GPHN: variants seen among roughly 807,000 people sequenced by gnomAD.
GPHN encodes the protein gephyrin.
Under a neutral mutation model 95.5 loss-of-function variants are expected in GPHN, and 17 were observed. That is an observed-to-expected ratio of 0.18 (90% CI 0.12 to 0.27). GPHN has a LOEUF of 0.27. Among genes scored for constraint, GPHN ranks in the 10% least tolerant of loss-of-function variants. GPHN has a pLI of 1.00. For missense variants in GPHN, 660 were observed against 978.1 expected (o/e 0.67, Z 4.34); for synonymous variants, 320 against 322.5 (o/e 0.99, Z 0.08).
At chr14:66,533,728 A>G (rs1048178738) in intron 1 of GPHN, among the ~76,000 whole-genome samples, 3 of 152,250 alleles carry the variant, frequency 2.0e-5, no homozygotes, top group Non-Finnish European at 4.4e-5. Flanking sequence ...GACATTCAGG[A>G]TAAATGGCAG....
the GPHN span, chr14:67,663,193 T>G: frequency 6.6e-7 from 1 of 1,524,124 alleles, no homozygotes; most frequent in African/African-American, 1.4e-5. Flanking sequence ...AATCTCCCCT[T>G]TGAACAAAAA....
intron 1 of GPHN, among the ~76,000 whole-genome samples, chr14:66,664,989 CAAAAAAAAAA>C (rs937401198): frequency 7.3e-5 from 4 of 54,898 alleles, no homozygotes; most frequent in African/African-American, 1.8e-4. Flanking sequence ...GCCTACCAAC[CAAAAAAAAAA>C]AAAAAAAAAA....
chr14:66,659,797 T>C (rs2065532041), intron 1 of GPHN, among the ~76,000 whole-genome samples: 1 of 152,086 alleles, frequency 6.6e-6, no homozygotes, highest in Non-Finnish European at 1.5e-5. Flanking sequence ...TCAACATTCT[T>C]GTATCTTTAT....
the GPHN span, chr14:67,279,177 A>G: frequency 3.2e-6 from 5 of 1,586,662 alleles, no homozygotes; most frequent in East Asian, 2.2e-5. Flanking sequence ...AACCATGACA[A>G]CATCCCATAT....
rs1802878987 is a variant in GPHN, at chr14:66,790,790, G to A, written c.201+14269G>A. Among the ~76,000 whole-genome samples, 5 of 152,320 alleles carry A rather than the reference G, an allele frequency of 3.3e-5. No individual in the cohort carries two copies. The South Asian group carries it at 1.0e-3, about 32-fold the overall frequency. Reference sequence around the variant, plus strand: ...TGACACTGAATGAAAAGTTCAGGCAGCCACTTGTCAGTAATGAAGGGTTTC... The same window carrying A: ...TGACACTGAATGAAAAGTTCAGGCAACCACTTGTCAGTAATGAAGGGTTTC... On this transcript the variant is annotated intron_variant, in intron 3 of 22. Transcript: ENST00000478722.
intron 1 of GPHN, among the ~76,000 whole-genome samples, chr14:66,526,172 T>G (rs562224732): frequency 6.6e-6 from 1 of 152,282 alleles, no homozygotes; most frequent in South Asian, 2.1e-4. Flanking sequence ...GAGCAGTGGT[T>G]TGTAGTTCTC....
At chr14:67,033,623 A>C (rs991850510) in intron 10 of GPHN, among the ~76,000 whole-genome samples, 2 of 152,240 alleles carry the variant, frequency 1.3e-5, no homozygotes, top group South Asian at 2.1e-4. Flanking sequence ...CAGTGTATAC[A>C]TTATGAGAGT....
the GPHN span, among the ~76,000 whole-genome samples, chr14:67,537,382 A>C: frequency 2.1e-5 from 2 of 93,446 alleles, no homozygotes; most frequent in South Asian, 3.4e-4. Flanking sequence ...ATAATAATAA[A>C]AACTTAATCT....
chr14:67,383,700 A>T, the GPHN span: 2 of 398,908 alleles, frequency 5.0e-6, no homozygotes, highest in Admixed American at 7.2e-5. Flanking sequence ...AATAGTTCTA[A>T]AATTGGGCTT....
At chr14:66,613,064 T>C (rs1321188055) in intron 1 of GPHN, among the ~76,000 whole-genome samples, 1 of 152,102 alleles carries the variant, frequency 6.6e-6, no homozygotes, top group Non-Finnish European at 1.5e-5. Flanking sequence ...TCTAGTTATG[T>C]TCTGTAAAGT....
intron 2 of GPHN, among the ~76,000 whole-genome samples, chr14:66,757,670 G>A (rs1332521467): frequency 5.9e-5 from 9 of 152,294 alleles, no homozygotes; most frequent in East Asian, 3.9e-4. Context: ...GATTACAGGC[G>A]TGAGCCACCA....
At chr14:66,817,051 A>T (rs773029483) in intron 3 of GPHN, among the ~76,000 whole-genome samples, 25 of 152,264 alleles carry the variant, frequency 1.6e-4, no homozygotes, top group Non-Finnish European at 2.1e-4. Context: ...TTATAAATAC[A>T]TGTAGTATTT....
the GPHN span, chr14:67,569,194 C>T: frequency 6.2e-7 from 1 of 1,612,322 alleles, no homozygotes; most frequent in African/African-American, 1.3e-5. Context: ...ATATGTCTCC[C>T]AGAAGTAATA....
At chr14:67,469,691 A>G in the GPHN span, among the ~76,000 whole-genome samples, 2 of 152,112 alleles carry the variant, frequency 1.3e-5, no homozygotes, top group East Asian at 3.9e-4. Flanking sequence ...GGGAAGCTCA[A>G]TGGAGCAGAG....
intron 8 of GPHN, among the ~76,000 whole-genome samples, chr14:66,938,272 T>C (rs117971727): frequency 0.012 from 1,833 of 152,322 alleles, 19 homozygotes; most frequent in Non-Finnish European, 0.018. Flanking sequence ...GAATCAAATA[T>C]TATTTTGAAA....
the GPHN span, among the ~76,000 whole-genome samples, chr14:67,255,850 G>T: frequency 6.6e-6 from 1 of 152,060 alleles, no homozygotes; most frequent in Non-Finnish European, 1.5e-5. Flanking sequence ...ACTATGCCTG[G>T]CTAATTTTGT....
At chr14:67,439,547 TTCTTTCTTTC>T in the GPHN span, among the ~76,000 whole-genome samples, 5 of 60,254 alleles carry the variant, frequency 8.3e-5, no homozygotes, top group African/African-American at 1.9e-4. Context: ...CTTTCTTTCT[TTCTTTCTTTC>T]TTTCTTTCTT....
chr14:66,826,696 C>A (rs1461448781), intron 4 of GPHN, among the ~76,000 whole-genome samples: 1 of 152,158 alleles, frequency 6.6e-6, no homozygotes, highest in Non-Finnish European at 1.5e-5. Context: ...TTAGGAATAG[C>A]CAAATGCAGG....
intron 9 of GPHN, among the ~76,000 whole-genome samples, chr14:67,016,443 A>C (rs914980575): frequency 1.3e-5 from 2 of 152,088 alleles, no homozygotes; most frequent in African/African-American, 4.8e-5. Context: ...CCATTGAAGT[A>C]AAAGGTTCTG....
Sources: allele counts gnomAD v4.1 joint callset (sites outside exome capture counted in the v4.1 genomes callset), GRCh38; gene constraint gnomAD v4.1.1; transcripts MANE v1.5; gene names NCBI Gene and HGNC (gene_info 2026-07-23, HGNC 2026-07-21).